RBFOX1: variants seen among roughly 807,000 people sequenced by gnomAD.
RBFOX1 encodes RNA binding protein fox-1 homolog 1.
Under a neutral mutation model 57.7 loss-of-function variants are expected in RBFOX1, and 8 were observed. The ratio of observed to expected loss-of-function variants is 0.14; its 90% CI spans 0.08 to 0.25. The LOEUF (loss-of-function observed/expected upper bound fraction) is 0.25. RBFOX1 is among the 10% of genes least tolerant of loss of function. RBFOX1 has a pLI of 1.00. For missense variants in RBFOX1, 611 were observed against 548.5 expected (o/e 1.11, Z -1.14); for synonymous variants, 326 against 222.4 (o/e 1.47, Z -4.15).
intron 4 of RBFOX1, among the ~76,000 whole-genome samples, chr16:7,229,831 AG>A (rs1182615258): frequency 5.8e-4 from 8 of 13,762 alleles, no homozygotes; most frequent in African/African-American, 1.2e-3. Context: ...AGGGAGAGAG[AG>A]GGAGGAAGGG....
intron 4 of RBFOX1, among the ~76,000 whole-genome samples, chr16:7,180,951 A>G (rs1419843168): frequency 1.3e-5 from 2 of 152,244 alleles, no homozygotes; most frequent in African/African-American, 2.4e-5. Context: ...CTGTGTCACA[A>G]CTACTCAGCT....
At chr16:6,077,062 T>A (rs1428912587) in intron 1 of RBFOX1, among the ~76,000 whole-genome samples, 1 of 152,190 alleles carries the variant, frequency 6.6e-6, no homozygotes, top group African/African-American at 2.4e-5. Flanking sequence ...TATTTACAGC[T>A]TCGTAAGCCT....
chr16:6,045,671 CAACTA>C (rs2095488009), intron 1 of RBFOX1, among the ~76,000 whole-genome samples: 1 of 152,120 alleles, frequency 6.6e-6, no homozygotes, highest in African/African-American at 2.4e-5. Context: ...TAGATTAACT[CAACTA>C]AATAAATATG....
intron 11 of RBFOX1, among the ~76,000 whole-genome samples, chr16:7,648,882 C>T (rs965072368): frequency 6.6e-6 from 1 of 152,194 alleles, no homozygotes; most frequent in African/African-American, 2.4e-5. Flanking sequence ...GCAGCCTCCC[C>T]TTGCTTGATT....
At chr16:7,214,485 C>A (rs77148737) in intron 4 of RBFOX1, among the ~76,000 whole-genome samples, 1 of 151,932 alleles carries the variant, frequency 6.6e-6, no homozygotes, top group Admixed American at 6.6e-5. Context: ...TCCACTGCCT[C>A]CATCTCCATC....
At chr16:6,242,259 A>G (rs2097543608) in intron 1 of RBFOX1, among the ~76,000 whole-genome samples, 1 of 152,194 alleles carries the variant, frequency 6.6e-6, no homozygotes, top group Admixed American at 6.5e-5. Flanking sequence ...GTTTATTCAA[A>G]CAGGATCATA....
intron 3 of RBFOX1, among the ~76,000 whole-genome samples, chr16:6,917,198 T>G (rs910672200): frequency 6.6e-6 from 1 of 152,194 alleles, no homozygotes; most frequent in African/African-American, 2.4e-5. Flanking sequence ...GTTCTTAATT[T>G]GTATTTAAAA....
intron 3 of RBFOX1, among the ~76,000 whole-genome samples, chr16:6,840,870 A>G (rs901094611): frequency 7.0e-6 from 1 of 142,908 alleles, no homozygotes; most frequent in Non-Finnish European, 1.5e-5. Context: ...CTGGGCGACG[A>G]AAGTGAGACT....
At chr16:7,166,123 C>T (rs1162119110) in intron 4 of RBFOX1, among the ~76,000 whole-genome samples, 8 of 152,102 alleles carry the variant, frequency 5.3e-5, no homozygotes, top group Admixed American at 4.6e-4. Flanking sequence ...AAGTGATTCT[C>T]CTGCTTCAGC....
At chr16:6,236,131 A>G (rs989181299) in intron 1 of RBFOX1, among the ~76,000 whole-genome samples, 1 of 152,244 alleles carries the variant, frequency 6.6e-6, no homozygotes, top group Non-Finnish European at 1.5e-5. Flanking sequence ...AAAGCAAAAC[A>G]TATTCCATAC....
chr16:5,389,807 T>C (rs899041530), intron 1 of RBFOX1, among the ~76,000 whole-genome samples: 1 of 151,860 alleles, frequency 6.6e-6, no homozygotes, highest in African/African-American at 2.4e-5. Flanking sequence ...AAGCGATTCT[T>C]CTGCCTCAGC....
chr16:5,444,501 G>A (rs1316551771), intron 1 of RBFOX1, among the ~76,000 whole-genome samples: 4 of 152,276 alleles, frequency 2.6e-5, no homozygotes, highest in Middle Eastern at 3.4e-3. Flanking sequence ...CTAGGCAGAC[G>A]TCAGCTCTGC....
rs113232328 is a variant in RBFOX1, at chr16:7,649,926, C to T, written c.758-3889C>T. On this transcript the variant is annotated intron_variant, in intron 11 of 15. Transcript: ENST00000550418. ...CTGAAAGGAAGGATTGTAATGAAGG[C>T]AGGAATTAATAAAGAAATGAAGGGA... Among the ~76,000 whole-genome samples, 899 of 150,238 alleles carry T rather than the reference C, an allele frequency of 6.0e-3. 8 individuals are homozygous for T. Among genetic ancestry groups the T allele is most frequent in the African/African-American group, 0.021 (850 of 40,668 alleles).
intron 3 of RBFOX1, among the ~76,000 whole-genome samples, chr16:5,722,207 T>A (rs2051962228): frequency 6.6e-6 from 1 of 152,232 alleles, no homozygotes; most frequent in Non-Finnish European, 1.5e-5. Context: ...TTACAGTATT[T>A]AACTGTTGTC....
chr16:7,064,648 T>C (rs1380548631), intron 4 of RBFOX1, among the ~76,000 whole-genome samples: 1 of 152,206 alleles, frequency 6.6e-6, no homozygotes, highest in Non-Finnish European at 1.5e-5. Context: ...AGTAAATTTC[T>C]GTTGTTTGAT....
At chr16:6,427,047 T>G (rs2093949398) in intron 2 of RBFOX1, among the ~76,000 whole-genome samples, 3 of 152,224 alleles carry the variant, frequency 2.0e-5, no homozygotes, top group Admixed American at 2.0e-4. Flanking sequence ...TTATTATAGA[T>G]TAGCCCTGCT....
intron 4 of RBFOX1, among the ~76,000 whole-genome samples, chr16:5,993,388 A>T (rs1464682067): frequency 4.5e-5 from 6 of 132,296 alleles, no homozygotes; most frequent in South Asian, 2.4e-4. Context: ...TGTGTGTGAG[A>T]GAGAGAGAGA....
chr16:7,390,923 G>A (rs1414799588), intron 4 of RBFOX1, among the ~76,000 whole-genome samples: 3 of 152,126 alleles, frequency 2.0e-5, no homozygotes, highest in Admixed American at 2.0e-4. Flanking sequence ...AAAAGATCCA[G>A]GGAGAAGGAT....
chr16:7,624,374 G>T (rs10492762), intron 10 of RBFOX1, among the ~76,000 whole-genome samples: 32 of 152,144 alleles, frequency 2.1e-4, no homozygotes, highest in Non-Finnish European at 4.4e-4. Flanking sequence ...ACTTATCTTA[G>T]TGAGCAGTGT....
Sources: gnomAD v4.1 joint callset for allele counts (sites outside exome capture counted in the v4.1 genomes callset) on GRCh38, gnomAD v4.1.1 for gene constraint, MANE v1.5 for transcripts, NCBI Gene and HGNC (gene_info 2026-07-23, HGNC 2026-07-21) for gene names.